The following RALYL variants were observed in gnomAD, a reference collection of about 807,000 sequenced individuals.
RALYL encodes RALY RNA binding protein like, also known as RNA-binding Raly-like protein.
In RALYL, 29 loss-of-function variants were observed where a neutral mutation model predicts 35.1. The observed-to-expected ratio is 0.83, with a 90% confidence interval of 0.61 to 1.13. The LOEUF is 1.13. Ranked by LOEUF, RALYL falls within the 50% of genes most tolerant of loss-of-function variation. RALYL has a pLI of 0.00. For missense variants in RALYL, 359 were observed against 360.4 expected (o/e 1.00, Z 0.03); for synonymous variants, 120 against 127.6 (o/e 0.94, Z 0.40).
chr8:84,524,581 A>G (rs2134777608), intron 1 of RALYL, among the ~76,000 whole-genome samples: 1 of 152,324 alleles, frequency 6.6e-6, no homozygotes, highest in Non-Finnish European at 1.5e-5. Context: ...GCAGAATGGT[A>G]GAGTTTACTA....
intron 2 of RALYL, among the ~76,000 whole-genome samples, chr8:84,543,230 G>A (rs1288668859): frequency 6.6e-6 from 1 of 151,714 alleles, no homozygotes; most frequent in Non-Finnish European, 1.5e-5. Context: ...GGTGCTAACA[G>A]CCAGTGAATA....
intron 1 of RALYL, among the ~76,000 whole-genome samples, chr8:84,348,646 A>G (rs551381357): frequency 3.6e-4 from 55 of 152,286 alleles, no homozygotes; most frequent in African/African-American, 1.3e-3. Flanking sequence ...GAAGTTAAAA[A>G]TAACAAGAAA....
At chr8:84,357,450 G>T (rs1278003582) in intron 1 of RALYL, among the ~76,000 whole-genome samples, 1 of 151,864 alleles carries the variant, frequency 6.6e-6, no homozygotes, top group Non-Finnish European at 1.5e-5. Flanking sequence ...AGCCCTAAAA[G>T]AATCTAATGA....
intron 2 of RALYL, among the ~76,000 whole-genome samples, chr8:84,558,729 A>C (rs188652528): frequency 6.6e-6 from 1 of 152,200 alleles, no homozygotes; most frequent in African/African-American, 2.4e-5. Flanking sequence ...TCTCCTACAG[A>C]GATAATTAGG....
chr8:84,266,973 A>G (rs1269171548), intron 1 of RALYL, among the ~76,000 whole-genome samples: 2 of 151,722 alleles, frequency 1.3e-5, no homozygotes, highest in African/African-American at 4.8e-5. Context: ...AAAAAAAAAA[A>G]AAAAAAAAAT....
At chr8:84,199,452 T>A (rs988190959) in intron 1 of RALYL, among the ~76,000 whole-genome samples, 1 of 152,206 alleles carries the variant, frequency 6.6e-6, no homozygotes, top group Non-Finnish European at 1.5e-5. Flanking sequence ...AGTTGTCTCC[T>A]CACTTTGTTG....
chr8:84,593,528 T>C (rs1813793321), intron 2 of RALYL, among the ~76,000 whole-genome samples: 2 of 152,096 alleles, frequency 1.3e-5, no homozygotes, highest in Non-Finnish European at 2.9e-5. Context: ...TAACAGGGTA[T>C]CATATGAAAT....
chr8:84,384,856 C>T (rs1243276505), intron 1 of RALYL, among the ~76,000 whole-genome samples: 1 of 151,768 alleles, frequency 6.6e-6, no homozygotes, highest in Admixed American at 6.6e-5. Context: ...GTACCAACCA[C>T]ATCCAAAAGT....
intron 1 of RALYL, among the ~76,000 whole-genome samples, chr8:84,213,664 A>G (rs1175509937): frequency 6.6e-6 from 1 of 152,212 alleles, no homozygotes; most frequent in Non-Finnish European, 1.5e-5. Flanking sequence ...AATACATGCT[A>G]CAGAATATGT....
At chr8:84,846,852 G>A (rs1264297125) in intron 4 of RALYL, among the ~76,000 whole-genome samples, 1 of 152,142 alleles carries the variant, frequency 6.6e-6, no homozygotes, top group Non-Finnish European at 1.5e-5. Context: ...GGGATTGATT[G>A]TAATGTTATC....
chr8:84,691,949 A>T (rs937918135), intron 2 of RALYL, among the ~76,000 whole-genome samples: 1 of 152,086 alleles, frequency 6.6e-6, no homozygotes, highest in East Asian at 1.9e-4. Context: ...TAAAACATTT[A>T]AAAATATACC....
At chr8:84,681,973 G>C (rs1452411073) in intron 2 of RALYL, among the ~76,000 whole-genome samples, 1 of 152,070 alleles carries the variant, frequency 6.6e-6, no homozygotes. Context: ...ATTGGCTGTG[G>C]GTTTGTCATA....
At chr8:84,704,446 GACACACACACACACAC>G (rs3068023) in intron 2 of RALYL, among the ~76,000 whole-genome samples, 22 of 104,032 alleles carry the variant, frequency 2.1e-4, no homozygotes, top group African/African-American at 6.6e-4. Flanking sequence ...AATACACACA[GACACACACACACACAC>G]ACACACACAC....
chr8:84,515,216 G>A (rs2057962514), intron 1 of RALYL, among the ~76,000 whole-genome samples: 1 of 152,154 alleles, frequency 6.6e-6, no homozygotes, highest in Non-Finnish European at 1.5e-5. Flanking sequence ...CATAGTGACA[G>A]TGATTATTTC....
chr8:84,528,155 G>A, intron 1 of RALYL, among the ~76,000 whole-genome samples: 1 of 152,082 alleles, frequency 6.6e-6, no homozygotes, highest in East Asian at 1.9e-4. Context: ...TTTTAAGAGA[G>A]CCTTCATATA....
chr8:84,584,462 G>C (rs544028642), intron 2 of RALYL, among the ~76,000 whole-genome samples: 1 of 152,064 alleles, frequency 6.6e-6, no homozygotes, highest in Non-Finnish European at 1.5e-5. Context: ...AATTAGCCAG[G>C]CATGGTGGCG....
intron 2 of RALYL, among the ~76,000 whole-genome samples, chr8:84,644,937 A>G (rs1424712231): frequency 6.6e-6 from 1 of 151,846 alleles, no homozygotes. Flanking sequence ...TTTTTAATAG[A>G]GACAGTTTCC....
At chr8:84,486,870 C>G (rs1410168892) in intron 1 of RALYL, among the ~76,000 whole-genome samples, 3 of 151,970 alleles carry the variant, frequency 2.0e-5, no homozygotes, top group Non-Finnish European at 4.4e-5. Flanking sequence ...TGTAAGTGTA[C>G]TCTACAGAAT....
intron 1 of RALYL, among the ~76,000 whole-genome samples, chr8:84,508,924 G>C (rs952381542): frequency 6.6e-6 from 1 of 151,968 alleles, no homozygotes; most frequent in Non-Finnish European, 1.5e-5. Flanking sequence ...TTTTAGAAAG[G>C]AATGAATAAT....
Sources: gnomAD v4.1 joint callset for allele counts (sites outside exome capture counted in the v4.1 genomes callset) on GRCh38, gnomAD v4.1.1 for gene constraint, MANE v1.5 for transcripts, NCBI Gene and HGNC (gene_info 2026-07-23, HGNC 2026-07-21) for gene names.